DOK5: variants seen among roughly 807,000 people sequenced by gnomAD.
DOK5 encodes downstream of tyrosine kinase 5.
In DOK5, 27 loss-of-function variants were observed where a neutral mutation model predicts 43.3. That is an observed-to-expected ratio of 0.62 (90% CI 0.46 to 0.86). DOK5 has a LOEUF of 0.86. DOK5 is among the 40% of genes least tolerant of loss of function. The pLI is 0.00. For synonymous variants in DOK5, 146 were observed against 140.1 expected, an observed-to-expected ratio of 1.04 and a Z score of -0.30; for missense variants, 373 against 392.9, an observed-to-expected ratio of 0.95 and a Z score of 0.43.
At chr20:54,573,394 ATAATAAAGT>A (rs1985353429) in intron 2 of DOK5, among the ~76,000 whole-genome samples, 1 of 152,184 alleles carries the variant, frequency 6.6e-6, no homozygotes, top group Non-Finnish European at 1.5e-5. Flanking sequence ...GGCTTTTAAG[ATAATAAAGT>A]TAGGCGAGGC....
At chr20:54,496,061 C>T (rs117428608) in intron 1 of DOK5, among the ~76,000 whole-genome samples, 2 of 152,144 alleles carry the variant, frequency 1.3e-5, no homozygotes, top group African/African-American at 2.4e-5. Flanking sequence ...GGAGATTGGA[C>T]GTTTTATTGG....
chr20:54,551,245 T>C (rs1404705949), intron 1 of DOK5, among the ~76,000 whole-genome samples: 1 of 152,202 alleles, frequency 6.6e-6, no homozygotes, highest in Non-Finnish European at 1.5e-5. Context: ...TGTCATTAGA[T>C]TATTTGTTTG....
chr20:54,495,086 T>C (rs188882053), intron 1 of DOK5: 23 of 152,144 alleles, frequency 1.5e-4, no homozygotes, highest in African/African-American at 5.5e-4. Context: ...TTTACTATGT[T>C]GTTAAAATGC....
chr20:54,647,939 C>T (rs915577556), intron 7 of DOK5, among the ~76,000 whole-genome samples: 3 of 152,234 alleles, frequency 2.0e-5, no homozygotes, highest in Non-Finnish European at 2.9e-5. Flanking sequence ...TTCATCATTA[C>T]GAGGGAGACA....
At chr20:54,624,473 A>G (rs937342975) in intron 6 of DOK5, among the ~76,000 whole-genome samples, 2 of 152,210 alleles carry the variant, frequency 1.3e-5, no homozygotes, top group Non-Finnish European at 2.9e-5. Context: ...GGTTTGTTGA[A>G]TGAACAAAAT....
At chr20:54,503,596 T>A (rs999166000) in intron 1 of DOK5, among the ~76,000 whole-genome samples, 1 of 146,338 alleles carries the variant, frequency 6.8e-6, no homozygotes, top group Non-Finnish European at 1.5e-5. Flanking sequence ...TTATTTTTCT[T>A]TTTTTTGGAT....
chr20:54,639,880 A>G (rs1419017045), intron 6 of DOK5, among the ~76,000 whole-genome samples: 3 of 152,246 alleles, frequency 2.0e-5, no homozygotes, highest in South Asian at 2.1e-4. Context: ...ATTGAAATAA[A>G]TGTGAGCTAT....
intron 1 of DOK5, among the ~76,000 whole-genome samples, chr20:54,487,656 T>C (rs1258542083): frequency 1.3e-5 from 2 of 152,138 alleles, no homozygotes; most frequent in Admixed American, 6.5e-5. Context: ...CCGCCAAATG[T>C]CATCATTTTA....
chr20:54,644,517 A>G (rs1979280694), intron 7 of DOK5, among the ~76,000 whole-genome samples: 1 of 151,214 alleles, frequency 6.6e-6, no homozygotes, highest in African/African-American at 2.4e-5. Context: ...ATCCTGGCTA[A>G]CACAGTGAAA....
At position 54,497,132 on chromosome 20, in the gene DOK5, T is replaced by C. The variant is rs1982433754; in HGVS notation, c.66+21120T>C. On this transcript the variant is annotated intron_variant, in intron 1 of 7. Transcript: ENST00000262593. ...TCACAGGGATGTCTTGAACATTAAA[T>C]AAAATAGTTGCTGTAGAGCCTTTTC... Among the ~76,000 whole-genome samples, 3 of 152,314 alleles carry C rather than the reference T, an allele frequency of 2.0e-5. No individual in the cohort carries two copies. In the South Asian group the frequency reaches 6.2e-4, roughly 32 times the overall value.
In DOK5 at chr20:54,568,712, C is replaced by T. The variant is rs1037413128; in HGVS notation, c.174+13672C>T. On this transcript the variant is annotated intron_variant, in intron 2 of 7. Coordinates refer to ENST00000262593, the MANE Select transcript of DOK5 (RefSeq NM_018431.5). ...TTTGGAGGCTGAGGCTGGTGGATCA[C>T]GAGGTAAGGAGATCGAGACCATCCT... 5.3e-5 allele frequency among the ~76,000 whole-genome samples: 8 copies of T among 152,096 alleles called. No individual in the cohort carries two copies. The East Asian group carries it at 1.4e-3, about 26-fold the overall frequency.
In DOK5 at chr20:54,577,180, T is replaced by C. The variant is rs1985480790; in HGVS notation, c.175-11303T>C. ...TATAATTAAGTTACTTCTTTGATTT[T>C]CACTTTATTGATCCTTGTAATGGGT... is the stretch of plus-strand genomic sequence containing the variant. On this transcript the variant is annotated intron_variant, in intron 2 of 7. Transcript: ENST00000262593. Among the ~76,000 whole-genome samples, 3 of 152,240 alleles carry C rather than the reference T, an allele frequency of 2.0e-5. No homozygotes were observed. In the South Asian group the frequency reaches 6.2e-4, roughly 32 times the overall value.
At chr20:54,536,473 A>G (rs1983966934) in intron 1 of DOK5, among the ~76,000 whole-genome samples, 1 of 152,218 alleles carries the variant, frequency 6.6e-6, no homozygotes, top group Non-Finnish European at 1.5e-5. Context: ...CTGAGACTAT[A>G]AAGCTGGGAC....
At chr20:54,636,146 A>G (rs535684795) in intron 6 of DOK5, among the ~76,000 whole-genome samples, 3 of 152,358 alleles carry the variant, frequency 2.0e-5, no homozygotes, top group African/African-American at 7.2e-5. Flanking sequence ...AAGAAATCTG[A>G]CATGGCTGAC....
intron 5 of DOK5, among the ~76,000 whole-genome samples, chr20:54,599,562 G>T (rs915416416): frequency 6.6e-6 from 1 of 152,194 alleles, no homozygotes. Flanking sequence ...ACCATTCTAA[G>T]AGGCTTAGCT....
At chr20:54,595,747 G>A (rs941880217) in intron 5 of DOK5, among the ~76,000 whole-genome samples, 2 of 152,170 alleles carry the variant, frequency 1.3e-5, no homozygotes, top group Non-Finnish European at 2.9e-5. Context: ...AGATTGAATG[G>A]TCAGAAAGGA....
chr20:54,616,781 T>C (rs1986824335), intron 6 of DOK5, among the ~76,000 whole-genome samples: 1 of 117,930 alleles, frequency 8.5e-6, no homozygotes, highest in Non-Finnish European at 1.6e-5. Context: ...TTTTTTTTTT[T>C]TTCTTTTTTT....
At chr20:54,569,223 C>T (rs1446328634) in intron 2 of DOK5, among the ~76,000 whole-genome samples, 1 of 152,076 alleles carries the variant, frequency 6.6e-6, no homozygotes, top group African/African-American at 2.4e-5. Flanking sequence ...TTTGGTGAGC[C>T]TGTGGTTCTT....
chr20:54,642,444 C>T (rs934309284), intron 6 of DOK5, among the ~76,000 whole-genome samples: 1 of 150,316 alleles, frequency 6.7e-6, no homozygotes, highest in African/African-American at 2.4e-5. Context: ...TGGCTGACAC[C>T]TGTAATCCTA....
Sources: allele counts gnomAD v4.1 joint callset (sites outside exome capture counted in the v4.1 genomes callset), GRCh38; gene constraint gnomAD v4.1.1; transcripts MANE v1.5; gene names NCBI Gene and HGNC (gene_info 2026-07-23, HGNC 2026-07-21).